Variants in CACNA1G observed in about 807,000 individuals in gnomAD.
CACNA1G encodes the protein voltage-dependent T-type calcium channel subunit alpha-1G.
In CACNA1G, 67 loss-of-function variants were observed where a neutral mutation model predicts 219.4. The observed-to-expected ratio is 0.31, with a 90% confidence interval of 0.25 to 0.37. The LOEUF (loss-of-function observed/expected upper bound fraction) is 0.37, where lower values mean the gene tolerates loss of function less well. Among genes scored for constraint, CACNA1G ranks in the 10% least tolerant of loss-of-function variants. The pLI is 1.00. For synonymous variants in CACNA1G, 1,296 were observed against 1,345.3 expected (o/e 0.96, Z 0.80); for missense variants, 2,380 against 3,231.4 (o/e 0.74, Z 6.39).
chr17:50,600,198 G>A lies in CACNA1G; in HGVS notation c.3690+339G>A, dbSNP rs1197237666. 3.9e-5 allele frequency among the ~76,000 whole-genome samples: 6 copies of A among 152,010 alleles called. No homozygotes were observed. The highest frequency in any genetic ancestry group is 2.1e-4 in the South Asian group (1 of 4,820). ...CTGATGCCCCGCATCCCCCTTTCTCGTCTCAACCTCATCACAAGCCATGAC... is the reference window on the plus strand; with the variant it reads ...CTGATGCCCCGCATCCCCCTTTCTCATCTCAACCTCATCACAAGCCATGAC... On this transcript the variant is annotated intron_variant, in intron 17 of 37. Transcript: ENST00000359106. The surrounding 1 kb of genome is among the most constrained non-coding windows in gnomAD (Gnocchi z 4.1).
intron 16 of CACNA1G, among the ~76,000 whole-genome samples, chr17:50,597,909 T>C (rs2045887327): frequency 1.3e-5 from 2 of 152,260 alleles, no homozygotes; most frequent in South Asian, 4.1e-4. Context: ...TATTTGTCTT[T>C]CTGTGCCTTG....
rs375013995 is a variant in CACNA1G, at chr17:50,575,791, G to A, written c.1389G>A (p.Gly463=). The A allele has an allele frequency of 4.5e-6, 7 of 1,553,446 alleles. No individual in the cohort carries two copies. Among genetic ancestry groups the A allele is most frequent in the Non-Finnish European group, 6.1e-6 (7 of 1,148,612 alleles). ...CTCGGGCAGCAGGTGTGCGGGTTGGGCTGCTCAGCAGCCCAGCACCCCTCG... is the reference window on the plus strand; with the variant it reads ...CTCGGGCAGCAGGTGTGCGGGTTGGACTGCTCAGCAGCCCAGCACCCCTCG... ...QVSRAAGVRV[G]LLSSPAPLGG... is the part of the protein sequence containing the mutation. Residue 463 remains glycine, a synonymous_variant, in exon 8 of 38, where the codon GGG becomes GGA. Coordinates refer to ENST00000359106, the MANE Select transcript of CACNA1G (RefSeq NM_018896.5).
chr17:50,597,575 G>A (rs894887070), intron 16 of CACNA1G, among the ~76,000 whole-genome samples: 1 of 152,116 alleles, frequency 6.6e-6, no homozygotes, highest in Non-Finnish European at 1.5e-5. Flanking sequence ...TACATTATGG[G>A]ATGATTACAT....
chr17:50,571,538 AT>A lies in CACNA1G; in HGVS notation c.587-337del, dbSNP rs1453416704. 6.6e-6 allele frequency among the ~76,000 whole-genome samples: 1 copy of A among 152,106 alleles called. No homozygotes were observed. The highest frequency in any genetic ancestry group is 2.4e-5 in the African/African-American group (1 of 41,412). On this transcript the variant is annotated intron_variant, in intron 4 of 37. Coordinates refer to ENST00000359106, the MANE Select transcript of CACNA1G (RefSeq NM_018896.5). This position sits in a 1 kb window ranked among gnomAD's most constrained non-coding sequence, Gnocchi z 4.3. ...TGTGTGATACTGGGTGAGTCAAGTC[AT>A]TTCTCCAAGCCTCAGACTTCTCATC... is the stretch of plus-strand genomic sequence containing the variant.
In CACNA1G at chr17:50,591,858, G is replaced by T; in HGVS notation, c.2754+5G>T. On this transcript the variant is annotated splice_donor_5th_base_variant and intron_variant, in intron 12 of 37. Transcript: ENST00000359106. ...GCCATCGTCACTGTCTTTCAGGTGC[G>T]AGGGTAACAGGGCAGGGCGTGGACA... The T allele has an allele frequency of 6.2e-7, 1 of 1,613,874 alleles. No homozygotes were observed. The highest frequency in any genetic ancestry group is 8.5e-7 in the Non-Finnish European group (1 of 1,179,784).
chr17:50,602,752 T>C (rs2047008980), intron 19 of CACNA1G, 68 bp from the exon 20 acceptor site: 2 of 1,429,414 alleles, frequency 1.4e-6, no homozygotes, highest in South Asian at 1.2e-5. Context: ...GACTTGTGTA[T>C]GCAGAGCAGA....
Position 50,626,002 on chromosome 17 carries a change from C to T in CACNA1G, c.6400-15C>T. 8 of 1,589,134 alleles carry T rather than the reference C, an allele frequency of 5.0e-6. No homozygotes were observed. The highest frequency in any genetic ancestry group is 6.0e-6 in the Non-Finnish European group (7 of 1,163,904). ...GAGGAGACTGCTGGGCTGAGCCCTC[C>T]CCCACCCCATATAGGCAGCAATAAG... On this transcript the variant is annotated splice_polypyrimidine_tract_variant and intron_variant, in intron 37 of 37. Coordinates refer to ENST00000359106, the MANE Select transcript of CACNA1G (RefSeq NM_018896.5). The surrounding 1 kb of genome is among the most constrained non-coding windows in gnomAD (Gnocchi z 4.3).
Position 50,561,442 on chromosome 17 carries a change from G to A in CACNA1G, c.-18G>A. On this transcript the variant is annotated 5_prime_UTR_variant, in exon 1 of 38. Transcript: ENST00000359106. ...CTTGCCCCTCTCCGGATCGCCCGGG[G>A]CCCCGGCTGGCCAGAGGATGGACGA... The A allele has an allele frequency of 2.0e-6, 3 of 1,533,602 alleles. No homozygotes were observed. Among genetic ancestry groups the A allele is most frequent in the Non-Finnish European group, 2.6e-6 (3 of 1,146,454 alleles). 95.0% of individuals were successfully genotyped at this position (1,533,602 alleles called of 1,614,324 possible). A position where few individuals can be genotyped will look rare whatever the true frequency, so the allele number is the denominator to read the frequency against.
chr17:50,562,357 A>G (rs888733690), intron 1 of CACNA1G, among the ~76,000 whole-genome samples: 7 of 152,110 alleles, frequency 4.6e-5, no homozygotes, highest in Non-Finnish European at 7.4e-5. Flanking sequence ...AGGCACAACA[A>G]GGAGATTCCG....
Position 50,599,654 on chromosome 17 carries a change from GGTCCCT to G in CACNA1G, c.3487_3492del (p.Ser1163_Leu1164del). 2 of 1,613,062 alleles carry G rather than the reference GGTCCCT, an allele frequency of 1.2e-6. No individual in the cohort carries two copies. Among genetic ancestry groups the G allele is most frequent in the Non-Finnish European group, 1.7e-6 (2 of 1,179,518 alleles). On this transcript the variant is annotated inframe_deletion, in exon 17 of 38. Coordinates refer to ENST00000359106, the MANE Select transcript of CACNA1G (RefSeq NM_018896.5). ...GCGGGCAGTGACCATCGCCACAGGG[GGTCCCT>G]GGAGCGGGAGGCCAAGAGTTCCTTT... is the stretch of plus-strand genomic sequence containing the variant.
intron 22 of CACNA1G, among the ~76,000 whole-genome samples, chr17:50,604,600 C>T (rs1412840365): frequency 6.6e-6 from 1 of 152,240 alleles, no homozygotes. Flanking sequence ...GGATCCCCTC[C>T]CTTCCTTCCC....
Position 50,571,689 on chromosome 17 carries a change from G to A in CACNA1G, c.587-189G>A, listed in dbSNP as rs2039474129. Among the ~76,000 whole-genome samples the A allele has an allele frequency of 6.6e-6, 1 of 152,208 alleles. No individual in the cohort carries two copies. Among genetic ancestry groups the A allele is most frequent in the African/African-American group, 2.4e-5 (1 of 41,442 alleles). On this transcript the variant is annotated intron_variant, in intron 4 of 37. Transcript: ENST00000359106. The surrounding 1 kb of genome is among the most constrained non-coding windows in gnomAD (Gnocchi z 4.3). ...CCGTGGGCAAGCCACAAGGGGAAGT[G>A]GGTCGGGGCAAGGGGCTGCAGAGGC...
intron 33 of CACNA1G, 26 bp from the exon 34 acceptor site, chr17:50,619,657 G>T (rs2051317807): frequency 8.1e-6 from 13 of 1,600,490 alleles, no homozygotes; most frequent in Non-Finnish European, 1.1e-5. Flanking sequence ...TGCCTCTCCG[G>T]CTCCCCTTAC....
chr17:50,618,693 C>T lies in CACNA1G; in HGVS notation c.5466C>T (p.Tyr1822=), dbSNP rs1329891152. The change falls in exon 33 of 38, where the codon TAC becomes TAT. Residue 1822 remains tyrosine, a synonymous_variant. Transcript: ENST00000359106. The surrounding 1 kb of genome is among the most constrained non-coding windows in gnomAD (Gnocchi z 5.3). ...ACTGTGACCAGGAGTCCACCTGCTA[C>T]AACACGGTCATCTCGCCTATCTACT... ...LRDCDQESTC[Y]NTVISPIYFV... is the part of the protein sequence containing the mutation. The T allele has an allele frequency of 2.5e-6, 4 of 1,613,946 alleles. No individual in the cohort carries two copies. The highest frequency in any genetic ancestry group is 1.1e-5 in the South Asian group (1 of 91,076).
At chr17:50,608,094 T>A (rs2048323967) in intron 25 of CACNA1G, 75 bp downstream of exon 25, 1 of 1,383,684 alleles carries the variant, frequency 7.2e-7, no homozygotes, top group South Asian at 1.3e-5. Flanking sequence ...GCCTTGCGAC[T>A]GCAGGGGGCT....
chr17:50,572,402 A>G (rs1291470028), intron 5 of CACNA1G, among the ~76,000 whole-genome samples, 152 bp from the exon 6 acceptor site: 3 of 151,930 alleles, frequency 2.0e-5, no homozygotes, highest in Non-Finnish European at 4.4e-5. Flanking sequence ...GGTGCCCACA[A>G]ATCCCTGCCC....
rs1362016554 is a variant in CACNA1G, at chr17:50,596,480, G to C, written c.2980-82G>C. The C allele has an allele frequency of 9.4e-7, 1 of 1,066,548 alleles. No homozygotes were observed. Among genetic ancestry groups the C allele is most frequent in the East Asian group, 2.4e-5 (1 of 41,324 alleles). 66.1% of individuals were successfully genotyped at this position (1,066,548 alleles called of 1,614,324 possible). The stretch of plus-strand genomic sequence containing the variant: ...CCTGTGGCCTATATGTGGTGTGCGT[G>C]TGTGAAGAGAGGGAGGCCCGGTCCA... On this transcript the variant is annotated intron_variant, in intron 14 of 37. Transcript: ENST00000359106. This position sits in a 1 kb window ranked among gnomAD's most constrained non-coding sequence, Gnocchi z 4.8.
intron 7 of CACNA1G, 148 bp downstream of exon 7, chr17:50,573,261 G>A (rs1463871609): frequency 1.6e-6 from 1 of 627,680 alleles, no homozygotes; most frequent in African/African-American, 1.8e-5. Context: ...TAGTAGGAGG[G>A]ACACCAGATG....
At chr17:50,561,792 G>A in intron 1 of CACNA1G, 91 bp downstream of exon 1, 1 of 1,270,114 alleles carries the variant, frequency 7.9e-7, no homozygotes, top group Non-Finnish European at 1.0e-6. Flanking sequence ...CCCACCGCCA[G>A]GTGAGTCGAA....
Sources: gnomAD v4.1 joint callset for allele counts (sites outside exome capture counted in the v4.1 genomes callset) on GRCh38, gnomAD v4.1.1 for gene constraint, Gnocchi (gnomAD v3.1) non-coding constraint, MANE v1.5 for transcripts, NCBI Gene and HGNC (gene_info 2026-07-23, HGNC 2026-07-21) for gene names.